GALNT14: variants seen among roughly 807,000 people sequenced by gnomAD.
The protein encoded by GALNT14 is UDP-GalNAc:polypeptide N-acetylgalactosaminyltransferase 14.
A neutral mutation model predicts 77.5 loss-of-function variants in GALNT14; 60 were observed. The observed-to-expected ratio is 0.77, with a 90% CI of 0.63 to 0.96. The LOEUF (loss-of-function observed/expected upper bound fraction) is 0.96, where lower values mean the gene tolerates loss of function less well. Ranked by LOEUF, GALNT14 falls within the 40% of genes least tolerant of loss-of-function variation. GALNT14 has a pLI of 0.00. For synonymous variants in GALNT14, 280 were observed against 281.7 expected (o/e 0.99, Z 0.06); for missense variants, 710 against 731.0 (o/e 0.97, Z 0.33).
chr2:30,976,612 C>CTGT (rs1553348453), intron 2 of GALNT14, among the ~76,000 whole-genome samples: 2 of 148,298 alleles, frequency 1.3e-5, no homozygotes, highest in Admixed American at 6.6e-5. Flanking sequence ...TGTGCGTGTG[C>CTGT]GTGTGTGTAT....
intron 1 of GALNT14, among the ~76,000 whole-genome samples, chr2:31,011,200 C>G (rs1671009861): frequency 6.6e-6 from 1 of 152,230 alleles, no homozygotes; most frequent in Non-Finnish European, 1.5e-5. Flanking sequence ...GTCTGGCTGT[C>G]TATTCTGCAA....
chr2:30,969,295 C>G (rs1668198535), intron 2 of GALNT14, among the ~76,000 whole-genome samples: 1 of 152,246 alleles, frequency 6.6e-6, no homozygotes, highest in Non-Finnish European at 1.5e-5. Flanking sequence ...GGGAAAGATG[C>G]TCTGAAATCC....
At chr2:31,037,878 A>G (rs978416366) in intron 1 of GALNT14, among the ~76,000 whole-genome samples, 1 of 151,694 alleles carries the variant, frequency 6.6e-6, no homozygotes, top group African/African-American at 2.4e-5. Context: ...TCCTATTTGC[A>G]TAGCCTCAAA....
At chr2:31,087,481 A>AGAGGAGAAGAGAGGAGAGGG (rs59903279) in intron 1 of GALNT14, among the ~76,000 whole-genome samples, 24,354 of 148,816 alleles carry the variant, frequency 0.16, 3,216 homozygotes, top group African/African-American at 0.35. Context: ...ACAGGAAAGG[A>AGAGGAGAAGAGAGGAGAGGG]GAGGAGAAGA....
chr2:30,945,769 T>G lies in GALNT14; in HGVS notation c.742+14A>C. ...GAAAATCCTTACTGGGGAGGAGGTG[T>G]TAGCCCAACTCACCCCCTCTGAGCT... On this transcript the variant is annotated intron_variant, in intron 7 of 14. Transcript: ENST00000349752. 6.2e-7 allele frequency: 1 copy of G among 1,605,764 alleles called. No homozygotes were observed. Among genetic ancestry groups the G allele is most frequent in the Non-Finnish European group, 8.5e-7 (1 of 1,172,358 alleles).
At chr2:31,007,940 C>A (rs1275929206) in intron 1 of GALNT14, among the ~76,000 whole-genome samples, 1 of 152,202 alleles carries the variant, frequency 6.6e-6, no homozygotes, top group Admixed American at 6.5e-5. Flanking sequence ...GGATCCAAAG[C>A]TCTCTGGCCC....
At chr2:31,006,160 C>CA (rs1670661000) in intron 1 of GALNT14, among the ~76,000 whole-genome samples, 1 of 152,206 alleles carries the variant, frequency 6.6e-6, no homozygotes, top group South Asian at 2.1e-4. Context: ...CAGTCACACT[C>CA]ACGAGGAATG....
chr2:31,029,047 C>T (rs1039917776), intron 1 of GALNT14, among the ~76,000 whole-genome samples: 8 of 152,036 alleles, frequency 5.3e-5, no homozygotes, highest in South Asian at 2.1e-4. Flanking sequence ...TCCCTGAGCC[C>T]CCATTTCTCA....
chr2:30,977,883 C>T (rs541437605), intron 2 of GALNT14, among the ~76,000 whole-genome samples: 100 of 152,326 alleles, frequency 6.6e-4, no homozygotes, highest in African/African-American at 2.3e-3. Context: ...GATCTACACC[C>T]CTGGTTTGCC....
intron 1 of GALNT14, among the ~76,000 whole-genome samples, chr2:31,107,161 T>C (rs541506042): frequency 6.6e-6 from 1 of 152,356 alleles, no homozygotes; most frequent in African/African-American, 2.4e-5. Flanking sequence ...GTCTTCTGGA[T>C]GATCCTTTGT....
chr2:31,072,907 T>C (rs1675508463), intron 1 of GALNT14, among the ~76,000 whole-genome samples: 1 of 152,196 alleles, frequency 6.6e-6, no homozygotes, highest in Non-Finnish European at 1.5e-5. Flanking sequence ...GATAAATTGG[T>C]TTTTGCTCTT....
intron 1 of GALNT14, among the ~76,000 whole-genome samples, chr2:31,000,391 T>C (rs961841738): frequency 4.6e-5 from 7 of 152,148 alleles, no homozygotes; most frequent in South Asian, 2.1e-4. Flanking sequence ...GATTCTTGTA[T>C]GTGTTTCTGT....
chr2:31,115,902 T>A (rs1200863256), intron 1 of GALNT14, among the ~76,000 whole-genome samples: 2 of 152,200 alleles, frequency 1.3e-5, no homozygotes, highest in African/African-American at 4.8e-5. Flanking sequence ...CACAACTTAG[T>A]CCTAGCTACT....
At chr2:31,015,846 AAG>A (rs1321560180) in intron 1 of GALNT14, among the ~76,000 whole-genome samples, 1 of 152,212 alleles carries the variant, frequency 6.6e-6, no homozygotes, top group Non-Finnish European at 1.5e-5. Flanking sequence ...CACAGATTGG[AAG>A]AGACTATTAC....
At chr2:30,969,447 C>T (rs1424019674) in intron 2 of GALNT14, among the ~76,000 whole-genome samples, 1 of 152,168 alleles carries the variant, frequency 6.6e-6, no homozygotes, top group Admixed American at 6.5e-5. Context: ...TGAGAGTTAT[C>T]TCCTTTGAGA....
chr2:30,943,572 C>T (rs191372624), intron 8 of GALNT14, among the ~76,000 whole-genome samples: 78 of 152,272 alleles, frequency 5.1e-4, no homozygotes, highest in Non-Finnish European at 3.1e-4. Context: ...GCCACCCCTG[C>T]GACAGAGGCA....
rs554348443 is a variant in GALNT14 at position 30,934,381 on chromosome 2, C to G, written c.932-2187G>C. ...CAAAATGGAAAACCCTCCAATTCCT[C>G]AACACTAGAGATGGAGTCCTTGCTC... On this transcript the variant is annotated intron_variant, in intron 9 of 14. Coordinates refer to ENST00000349752, the MANE Select transcript of GALNT14 (RefSeq NM_024572.4). Among the ~76,000 whole-genome samples the G allele has an allele frequency of 3.9e-4, 59 of 152,310 alleles. No homozygotes were observed. The Middle Eastern group carries it at 0.017, about 44-fold the overall frequency.
chr2:31,122,915 C>T (rs1277867927), intron 1 of GALNT14, among the ~76,000 whole-genome samples: 2 of 152,210 alleles, frequency 1.3e-5, no homozygotes, highest in Non-Finnish European at 2.9e-5. Context: ...GGTGCTGTGG[C>T]TTACGCCTGT....
At chr2:30,983,082 C>T (rs1669085525) in intron 2 of GALNT14, among the ~76,000 whole-genome samples, 1 of 152,146 alleles carries the variant, frequency 6.6e-6, no homozygotes, top group Non-Finnish European at 1.5e-5. Flanking sequence ...AATTCAGAGG[C>T]GAGAGAACTG....
Sources: allele counts gnomAD v4.1 joint callset (sites outside exome capture counted in the v4.1 genomes callset), GRCh38; gene constraint gnomAD v4.1.1; transcripts MANE v1.5; gene names NCBI Gene and HGNC (gene_info 2026-07-23, HGNC 2026-07-21).